SDHAF3: variants seen among roughly 807,000 people sequenced by gnomAD.
The protein encoded by SDHAF3 is succinate dehydrogenase assembly factor 3, mitochondrial.
SDHAF3 carries 18 observed loss-of-function variants against 11.5 expected under a neutral mutation model. That is an observed-to-expected ratio of 1.56 (90% CI 1.08 to 2.32). SDHAF3 has a LOEUF of 2.32. Ranked by LOEUF, SDHAF3 falls within the 30% of genes most tolerant of loss-of-function variation. SDHAF3 has a pLI of 0.00. For missense variants in SDHAF3, 200 were observed against 154.4 expected (o/e 1.30, Z -1.57); for synonymous variants, 72 against 59.3 (o/e 1.21, Z -0.99).
At chr7:97,130,810 G>T (rs982998414) in intron 1 of SDHAF3, among the ~76,000 whole-genome samples, 3 of 152,228 alleles carry the variant, frequency 2.0e-5, no homozygotes, top group Non-Finnish European at 4.4e-5. Context: ...CCTGAAGGGG[G>T]ATAGTCTCCA....
intron 1 of SDHAF3, among the ~76,000 whole-genome samples, chr7:97,138,396 C>T (rs891265126): frequency 6.6e-6 from 1 of 152,182 alleles, no homozygotes; most frequent in African/African-American, 2.4e-5. Flanking sequence ...CTCCTCACCT[C>T]AGGTGATCCA....
At chr7:97,150,047 C>T (rs1789194220) in intron 1 of SDHAF3, among the ~76,000 whole-genome samples, 1 of 152,210 alleles carries the variant, frequency 6.6e-6, no homozygotes, top group African/African-American at 2.4e-5. Flanking sequence ...TTTGCTCATC[C>T]ATAAGAGAGA....
At chr7:97,169,260 A>G (rs1156300574) in intron 1 of SDHAF3, among the ~76,000 whole-genome samples, 2 of 152,204 alleles carry the variant, frequency 1.3e-5, no homozygotes, top group Non-Finnish European at 2.9e-5. Flanking sequence ...TAGTGAGCTA[A>G]GATCGCGGCG....
chr7:97,148,350 C>T lies in SDHAF3; in HGVS notation c.174+30453C>T, dbSNP rs187122451. 1.2e-4 allele frequency among the ~76,000 whole-genome samples: 18 copies of T among 152,266 alleles called. 1 individual carries two copies. In the East Asian group the frequency reaches 3.3e-3, roughly 28 times the overall value. On this transcript the variant is annotated intron_variant, in intron 1 of 1. Coordinates refer to ENST00000432641, the MANE Select transcript of SDHAF3 (RefSeq NM_020186.3). Reference sequence around the variant, plus strand: ...AGGAGATGGAGACCAGTCTGGGCAACAAAGTGAGACCTTGTCTCTACAACA... The same window carrying T: ...AGGAGATGGAGACCAGTCTGGGCAATAAAGTGAGACCTTGTCTCTACAACA...
intron 1 of SDHAF3, among the ~76,000 whole-genome samples, chr7:97,153,612 T>C (rs1789258313): frequency 6.6e-6 from 1 of 152,240 alleles, no homozygotes. Flanking sequence ...TTTAGTTTTG[T>C]TAGAAATTGT....
chr7:97,177,380 TA>T (rs1789693896), intron 1 of SDHAF3, among the ~76,000 whole-genome samples: 1 of 151,964 alleles, frequency 6.6e-6, no homozygotes, highest in African/African-American at 2.4e-5. Context: ...TGGGCATCTG[TA>T]GTCCCATCTG....
At chr7:97,160,541 T>C (rs1479455429) in intron 1 of SDHAF3, among the ~76,000 whole-genome samples, 1 of 152,198 alleles carries the variant, frequency 6.6e-6, no homozygotes, top group Non-Finnish European at 1.5e-5. Flanking sequence ...GGAGACTCCA[T>C]TTTGTTCTGT....
chr7:97,159,271 T>C (rs1407066272), intron 1 of SDHAF3, among the ~76,000 whole-genome samples: 1 of 152,220 alleles, frequency 6.6e-6, no homozygotes. Flanking sequence ...TAAGCAGTGA[T>C]GCTAGAATCT....
At chr7:97,141,216 T>A (rs1168390672) in intron 1 of SDHAF3, among the ~76,000 whole-genome samples, 1 of 152,180 alleles carries the variant, frequency 6.6e-6, no homozygotes, top group African/African-American at 2.4e-5. Flanking sequence ...TCAATGACAA[T>A]GCGTGCCGGA....
rs1350726438 is a variant in SDHAF3 at position 97,178,356 on chromosome 7, G to T, written c.175-2656G>T. Among the ~76,000 whole-genome samples, 3 of 152,216 alleles carry T rather than the reference G, an allele frequency of 2.0e-5. No individual in the cohort carries two copies. In the East Asian group the frequency reaches 5.8e-4, roughly 29 times the overall value. The stretch of plus-strand genomic sequence containing the variant: ...ATTGTGTATACAAGTATGTGTTTGA[G>T]TTCCTGTTCTCAGTTATTTTGGTAA... On this transcript the variant is annotated intron_variant, in intron 1 of 1. Coordinates refer to ENST00000432641, the MANE Select transcript of SDHAF3 (RefSeq NM_020186.3).
chr7:97,172,023 C>T (rs1789607347), intron 1 of SDHAF3, among the ~76,000 whole-genome samples: 1 of 151,962 alleles, frequency 6.6e-6, no homozygotes, highest in Non-Finnish European at 1.5e-5. Context: ...CCTTTCTTTC[C>T]CTTTCATTTA....
At chr7:97,152,711 G>A (rs760859787) in intron 1 of SDHAF3, among the ~76,000 whole-genome samples, 5 of 152,038 alleles carry the variant, frequency 3.3e-5, no homozygotes, top group East Asian at 3.9e-4. Context: ...TTGCAATGGC[G>A]CAATCTCAGG....
intron 1 of SDHAF3, among the ~76,000 whole-genome samples, chr7:97,161,547 T>A (rs1475415787): frequency 1.3e-5 from 2 of 152,106 alleles, no homozygotes; most frequent in African/African-American, 2.4e-5. Context: ...ACCCGTCACC[T>A]ACATTAGGTA....
intron 1 of SDHAF3, chr7:97,136,453 G>T (rs747263747): frequency 1.5e-6 from 1 of 656,800 alleles, no homozygotes; most frequent in Admixed American, 2.3e-5. Context: ...GAAGAATTCC[G>T]ATTTGGTACT....
chr7:97,123,469 T>C (rs1282027962), intron 1 of SDHAF3, among the ~76,000 whole-genome samples: 1 of 152,180 alleles, frequency 6.6e-6, no homozygotes, highest in Non-Finnish European at 1.5e-5. Context: ...TGTGCATGTG[T>C]GTTTATAGTA....
chr7:97,153,900 G>A (rs1024844291), intron 1 of SDHAF3, among the ~76,000 whole-genome samples: 3 of 152,262 alleles, frequency 2.0e-5, no homozygotes, highest in African/African-American at 7.2e-5. Flanking sequence ...GTGATATCTC[G>A]TGTTTTAATT....
At position 97,163,287 on chromosome 7, in the gene SDHAF3, A is replaced by ACCCG. The variant is rs1414983740; in HGVS notation, c.175-17722_175-17719dup. Among the ~76,000 whole-genome samples, 4 of 149,568 alleles carry ACCCG rather than the reference A, an allele frequency of 2.7e-5. No individual in the cohort carries two copies. In the Middle Eastern group the frequency reaches 0.014, roughly 519 times the overall value. ...CTCCCAAGTAGCTGGGATTACAGGC[A>ACCCG]CCCGCCACCATGCCCAGCTAATTTT... On this transcript the variant is annotated intron_variant, in intron 1 of 1. Coordinates refer to ENST00000432641, the MANE Select transcript of SDHAF3 (RefSeq NM_020186.3).
rs145352634 is a variant in SDHAF3 at position 97,148,770 on chromosome 7, A to G, written c.174+30873A>G. On this transcript the variant is annotated intron_variant, in intron 1 of 1. Coordinates refer to ENST00000432641, the MANE Select transcript of SDHAF3 (RefSeq NM_020186.3). ...GTGCGTAAGATAACCTAGAATAAAA[A>G]TGAGTGAAATTAACTTAGATGATTA... Among the ~76,000 whole-genome samples the G allele has an allele frequency of 9.1e-4, 138 of 152,328 alleles. No individual in the cohort carries two copies. The East Asian group carries it at 0.02, about 22-fold the overall frequency.
At chr7:97,178,289 T>C (rs1789716659) in intron 1 of SDHAF3, among the ~76,000 whole-genome samples, 1 of 152,248 alleles carries the variant, frequency 6.6e-6, no homozygotes, top group Admixed American at 6.5e-5. Context: ...TTTGTTTATC[T>C]GCTTGCTGGT....
Sources: allele counts gnomAD v4.1 joint callset (sites outside exome capture counted in the v4.1 genomes callset), GRCh38; gene constraint gnomAD v4.1.1; transcripts MANE v1.5; gene names NCBI Gene and HGNC (gene_info 2026-07-23, HGNC 2026-07-21).